Variants in CNTN5 observed in about 807,000 individuals in gnomAD.
CNTN5 encodes the protein contactin-5.
A neutral mutation model predicts 129.1 loss-of-function variants in CNTN5; 77 were observed. The observed-to-expected ratio is 0.60, with a 90% CI of 0.50 to 0.72. CNTN5 has a LOEUF of 0.72. Among genes scored for constraint, CNTN5 ranks in the 30% least tolerant of loss-of-function variants. The pLI, the probability that CNTN5 is intolerant of heterozygous loss-of-function variation, is 0.00. For missense variants in CNTN5, 1,478 were observed against 1,328.8 expected (o/e 1.11, Z -1.75); for synonymous variants, 509 against 465.6 (o/e 1.09, Z -1.20).
chr11:99,625,771 A>T (rs1196403203), intron 3 of CNTN5, among the ~76,000 whole-genome samples: 1 of 91,062 alleles, frequency 1.1e-5, no homozygotes, highest in Non-Finnish European at 2.8e-5. Context: ...ATATTCAATT[A>T]AAAAGATATT....
intron 21 of CNTN5, chr11:100,337,735 T>C (rs1952064200): frequency 2.3e-6 from 1 of 441,870 alleles, no homozygotes; most frequent in South Asian, 2.0e-5. Flanking sequence ...GTCAGTTTCA[T>C]CTATAAAAGG....
chr11:99,240,217 C>T (rs1454761837), intron 1 of CNTN5, among the ~76,000 whole-genome samples: 1 of 151,912 alleles, frequency 6.6e-6, no homozygotes, highest in Non-Finnish European at 1.5e-5. Context: ...CTGGGGTTGC[C>T]TTTAAATTTC....
At chr11:99,849,393 A>T (rs1465133182) in intron 6 of CNTN5, among the ~76,000 whole-genome samples, 1 of 151,938 alleles carries the variant, frequency 6.6e-6, no homozygotes, top group South Asian at 2.1e-4. Flanking sequence ...ATGCATAATT[A>T]GTATACTGAC....
intron 21 of CNTN5, among the ~76,000 whole-genome samples, chr11:100,335,435 T>A (rs774151213): frequency 7.2e-5 from 11 of 152,120 alleles, no homozygotes; most frequent in Non-Finnish European, 1.3e-4. Context: ...ATAATCATTA[T>A]CTTGGAGAAT....
In CNTN5 at chr11:99,239,923, C is replaced by T. The variant is rs547949029; in HGVS notation, c.-209-85423C>T. 1.5e-4 allele frequency among the ~76,000 whole-genome samples: 20 copies of T among 134,274 alleles called. No individual in the cohort carries two copies. In the South Asian group the frequency reaches 4.6e-3, roughly 31 times the overall value. 88.1% of individuals were successfully genotyped at this position (134,274 alleles called of 152,430 possible). On this transcript the variant is annotated intron_variant, in intron 1 of 24. Coordinates refer to ENST00000524871, the MANE Select transcript of CNTN5 (RefSeq NM_014361.4). ...CTGTGCTCCAGCCTGGGCGACAGAG[C>T]GAGACTCCGTCTCAAAAAAAAAAAA...
At chr11:99,916,836 T>C (rs556658358) in intron 7 of CNTN5, among the ~76,000 whole-genome samples, 1 of 152,088 alleles carries the variant, frequency 6.6e-6, no homozygotes, top group Admixed American at 6.6e-5. Flanking sequence ...AAGTTAAGAG[T>C]GACCAGCATC....
chr11:99,712,033 T>G (rs1955013415), intron 3 of CNTN5, among the ~76,000 whole-genome samples: 1 of 152,152 alleles, frequency 6.6e-6, no homozygotes, highest in Non-Finnish European at 1.5e-5. Context: ...TACTTCTAGT[T>G]CCACATTCTT....
intron 6 of CNTN5, among the ~76,000 whole-genome samples, chr11:99,893,478 T>G (rs950838139): frequency 1.3e-5 from 2 of 152,180 alleles, no homozygotes; most frequent in African/African-American, 4.8e-5. Flanking sequence ...TGTATTAATT[T>G]ATTAGACAAA....
intron 6 of CNTN5, among the ~76,000 whole-genome samples, chr11:99,866,517 A>G (rs529010287): frequency 1.3e-5 from 2 of 152,292 alleles, no homozygotes; most frequent in East Asian, 3.9e-4. Context: ...TGGTGTGGCT[A>G]AAGTCTTCTC....
intron 1 of CNTN5, among the ~76,000 whole-genome samples, chr11:99,051,886 A>C (rs1410879411): frequency 6.6e-6 from 1 of 151,934 alleles, no homozygotes; most frequent in African/African-American, 2.4e-5. Flanking sequence ...GTCCCACAAT[A>C]ATAGGGAAAC....
intron 16 of CNTN5, among the ~76,000 whole-genome samples, chr11:100,236,895 C>T (rs897486867): frequency 1.3e-5 from 2 of 151,984 alleles, no homozygotes; most frequent in African/African-American, 4.8e-5. Flanking sequence ...ATGTGGTCAC[C>T]AAGAAAGAAC....
rs570801327 is a variant in CNTN5, at chr11:100,153,248, C to T, written c.1581-37878C>T. Among the ~76,000 whole-genome samples the T allele has an allele frequency of 3.3e-5, 5 of 152,122 alleles. No individual in the cohort carries two copies. In the South Asian group the frequency reaches 1.0e-3, roughly 32 times the overall value. ...TTGCATCATTAACATTATTAGTAAA[C>T]CTGCGCAATCAGTTAAAAATCACTC... On this transcript the variant is annotated intron_variant, in intron 13 of 24. Transcript: ENST00000524871.
intron 21 of CNTN5, among the ~76,000 whole-genome samples, chr11:100,324,511 C>T (rs1951753271): frequency 6.6e-6 from 1 of 152,072 alleles, no homozygotes; most frequent in Non-Finnish European, 1.5e-5. Context: ...TCTCAATTTA[C>T]AGGTCATCTC....
chr11:99,964,256 C>T (rs1446982027), intron 8 of CNTN5, among the ~76,000 whole-genome samples: 1 of 152,118 alleles, frequency 6.6e-6, no homozygotes, highest in African/African-American at 2.4e-5. Context: ...AAAGGGAATG[C>T]TTCCAGTTTT....
intron 24 of CNTN5, among the ~76,000 whole-genome samples, chr11:100,354,715 C>T (rs995326054): frequency 6.6e-6 from 1 of 151,664 alleles, no homozygotes; most frequent in Non-Finnish European, 1.5e-5. Context: ...GTATAGCTTA[C>T]TATACACCTA....
intron 3 of CNTN5, among the ~76,000 whole-genome samples, chr11:99,773,008 CTTA>C (rs1247306558): frequency 2.0e-5 from 3 of 151,942 alleles, no homozygotes; most frequent in Non-Finnish European, 4.4e-5. Context: ...GTATAACTTA[CTTA>C]TTATGCACAG....
intron 3 of CNTN5, among the ~76,000 whole-genome samples, chr11:99,599,041 A>G (rs1461282472): frequency 2.0e-5 from 3 of 152,164 alleles, no homozygotes; most frequent in Admixed American, 6.5e-5. Context: ...ATTATGAGTC[A>G]TAGTTTCACT....
At chr11:100,251,026 A>G (rs1949952573) in intron 16 of CNTN5, among the ~76,000 whole-genome samples, 1 of 152,182 alleles carries the variant, frequency 6.6e-6, no homozygotes. Flanking sequence ...TTTGTTGGCA[A>G]TTATTCCTAT....
At chr11:99,558,103 C>A (rs1948731537) in intron 3 of CNTN5, 1 of 177,772 alleles carries the variant, frequency 5.6e-6, no homozygotes, top group Admixed American at 6.0e-5. Flanking sequence ...ATCTCAAAGG[C>A]ATTAAGAGTT....
Sources: gnomAD v4.1 joint callset for allele counts (sites outside exome capture counted in the v4.1 genomes callset) on GRCh38, gnomAD v4.1.1 for gene constraint, MANE v1.5 for transcripts, NCBI Gene and HGNC (gene_info 2026-07-23, HGNC 2026-07-21) for gene names.